Variants in FNDC3A observed in about 807,000 individuals in gnomAD.
FNDC3A encodes the protein fibronectin type-III domain-containing protein 3A.
Under a neutral mutation model 148.9 loss-of-function variants are expected in FNDC3A, and 32 were observed. That is an observed-to-expected ratio of 0.21 (90% CI 0.16 to 0.29). The LOEUF (loss-of-function observed/expected upper bound fraction) is 0.29. Among genes scored for constraint, FNDC3A ranks in the 10% least tolerant of loss-of-function variants. The probability of loss-of-function intolerance (pLI) is 1.00; values close to 1 mark genes in which losing one functional copy is unlikely to be tolerated. For missense variants in FNDC3A, 1,191 were observed against 1,452.8 expected, an observed-to-expected ratio of 0.82 and a Z score of 2.93; for synonymous variants, 472 against 473.6, an observed-to-expected ratio of 1.00 and a Z score of 0.04.
At chr13:49,131,873 A>T (rs368150678) in intron 5 of FNDC3A, among the ~76,000 whole-genome samples, 8 of 152,368 alleles carry the variant, frequency 5.3e-5, no homozygotes, top group African/African-American at 1.9e-4. Flanking sequence ...ATAATACCTT[A>T]TTATGTCCCA....
chr13:49,034,404 A>G (rs1159800146), intron 2 of FNDC3A, among the ~76,000 whole-genome samples: 1 of 151,970 alleles, frequency 6.6e-6, no homozygotes, highest in Non-Finnish European at 1.5e-5. Flanking sequence ...AGGTACACAC[A>G]CTTGTCATTT....
intron 2 of FNDC3A, chr13:49,044,030 G>A (rs965793420): frequency 1.3e-5 from 2 of 154,096 alleles, no homozygotes; most frequent in African/African-American, 4.8e-5. Flanking sequence ...CTGAATAAAA[G>A]TAAAATGAAT....
intron 2 of FNDC3A, among the ~76,000 whole-genome samples, chr13:49,012,356 G>T (rs1952367021): frequency 6.6e-6 from 1 of 151,990 alleles, no homozygotes; most frequent in African/African-American, 2.4e-5. Flanking sequence ...CTCGTGATCT[G>T]CCCGCCTCCA....
At chr13:49,150,380 CT>C (rs1308495577) in intron 8 of FNDC3A, among the ~76,000 whole-genome samples, 1 of 152,140 alleles carries the variant, frequency 6.6e-6, no homozygotes, top group Non-Finnish European at 1.5e-5. Context: ...ACTCTTTAAG[CT>C]TTTTAATGTA....
intron 2 of FNDC3A, among the ~76,000 whole-genome samples, chr13:49,071,727 G>GTT (rs35779065): frequency 0.018 from 2,629 of 146,174 alleles, 42 homozygotes; most frequent in African/African-American, 0.034. Context: ...TGATTATTTG[G>GTT]TTTTTTTTTT....
intron 1 of FNDC3A, among the ~76,000 whole-genome samples, chr13:48,989,449 A>C (rs1310994098): frequency 6.6e-6 from 1 of 152,230 alleles, no homozygotes; most frequent in Non-Finnish European, 1.5e-5. Context: ...GCTAACAAAA[A>C]GATTGAACAT....
chr13:49,175,241 T>C (rs1009333889), intron 12 of FNDC3A, 126 bp from the exon 13 acceptor site: 24 of 559,926 alleles, frequency 4.3e-5, no homozygotes, highest in East Asian at 6.2e-5. Flanking sequence ...ACCCAAGATA[T>C]ATTATTTGTA....
chr13:48,989,862 C>T (rs1042293875), intron 1 of FNDC3A, among the ~76,000 whole-genome samples: 39 of 152,162 alleles, frequency 2.6e-4, no homozygotes, highest in African/African-American at 7.7e-4. Context: ...AGCGATTCTC[C>T]TGCTTCAGCC....
At chr13:49,143,134 C>G (rs754774667) in intron 7 of FNDC3A, among the ~76,000 whole-genome samples, 1 of 152,178 alleles carries the variant, frequency 6.6e-6, no homozygotes, top group Non-Finnish European at 1.5e-5. Context: ...TCCCAAAGTG[C>G]TGGGATTACA....
intron 3 of FNDC3A, among the ~76,000 whole-genome samples, chr13:49,083,644 A>G (rs1208326073): frequency 6.6e-6 from 1 of 152,164 alleles, no homozygotes; most frequent in African/African-American, 2.4e-5. Flanking sequence ...CTTGGTCTCA[A>G]GCTCTTGACC....
At chr13:49,024,796 C>T (rs538011750) in intron 2 of FNDC3A, among the ~76,000 whole-genome samples, 3 of 151,968 alleles carry the variant, frequency 2.0e-5, no homozygotes, top group African/African-American at 7.2e-5. Flanking sequence ...TGGGGAAAAG[C>T]CGAAAGCTTT....
At chr13:49,005,498 GT>G (rs11340123) in intron 1 of FNDC3A, among the ~76,000 whole-genome samples, 47,671 of 151,524 alleles carry the variant, frequency 0.31, 7,596 homozygotes, top group South Asian at 0.48. Flanking sequence ...GTAAATATAT[GT>G]TTTTTTGTTG....
At chr13:49,159,448 T>C (rs1883946006) in intron 8 of FNDC3A, among the ~76,000 whole-genome samples, 1 of 152,246 alleles carries the variant, frequency 6.6e-6, no homozygotes, top group Admixed American at 6.5e-5. Flanking sequence ...GTAATGCTTG[T>C]GATTTTTGCA....
intron 8 of FNDC3A, among the ~76,000 whole-genome samples, chr13:49,148,697 G>T (rs551208553): frequency 6.6e-6 from 1 of 152,116 alleles, no homozygotes; most frequent in East Asian, 1.9e-4. Flanking sequence ...GCTATTTTTT[G>T]GTTCCATAGA....
intron 16 of FNDC3A, chr13:49,187,683 A>G: frequency 6.4e-7 from 1 of 1,572,596 alleles, no homozygotes; most frequent in South Asian, 1.1e-5. Flanking sequence ...CGCTGCTGGA[A>G]GCTCTGCGAA....
intron 2 of FNDC3A, among the ~76,000 whole-genome samples, chr13:49,010,783 T>C (rs1376463886): frequency 1.3e-5 from 2 of 152,230 alleles, no homozygotes; most frequent in Admixed American, 6.5e-5. Flanking sequence ...ACCACTATCC[T>C]GACTTTTATG....
chr13:49,160,616 C>A (rs1176214670), intron 8 of FNDC3A, among the ~76,000 whole-genome samples: 1 of 150,850 alleles, frequency 6.6e-6, no homozygotes, highest in African/African-American at 2.4e-5. Flanking sequence ...TGTCTCTATC[C>A]CCTTCAGTTC....
chr13:49,052,911 G>A (rs1447299040), intron 2 of FNDC3A, among the ~76,000 whole-genome samples: 1 of 152,146 alleles, frequency 6.6e-6, no homozygotes, highest in African/African-American at 2.4e-5. Context: ...TGTGGGAGAT[G>A]AGGGTGTGGT....
chr13:49,040,968 C>A lies in FNDC3A; in HGVS notation c.100-34321C>A, dbSNP rs186405531. Among the ~76,000 whole-genome samples, 796 of 152,194 alleles carry A rather than the reference C, an allele frequency of 5.2e-3. 6 individuals are homozygous for A. The highest frequency in any genetic ancestry group is 0.018 in the African/African-American group (760 of 41,512). On this transcript the variant is annotated intron_variant, in intron 2 of 25. Coordinates refer to ENST00000492622, the MANE Select transcript of FNDC3A (RefSeq NM_001079673.2). ...GTAGTTCTTCTTTCACTCTTCCCTC[C>A]GCTCATCATATTGTACTATTATAAT... is the stretch of plus-strand genomic sequence containing the variant.
Sources: allele counts gnomAD v4.1 joint callset (sites outside exome capture counted in the v4.1 genomes callset), GRCh38; gene constraint gnomAD v4.1.1; transcripts MANE v1.5; gene names NCBI Gene and HGNC (gene_info 2026-07-23, HGNC 2026-07-21).